Variants in TTLL5 observed in about 807,000 individuals in gnomAD.
TTLL5 encodes tubulin tyrosine ligase like 5.
A neutral mutation model predicts 168.4 loss-of-function variants in TTLL5; 132 were observed. The ratio of observed to expected loss-of-function variants is 0.78; its 90% CI spans 0.68 to 0.91. TTLL5 has a LOEUF of 0.91. Ranked by LOEUF, TTLL5 falls within the 40% of genes least tolerant of loss-of-function variation. The pLI is 0.00. For synonymous variants in TTLL5, 546 were observed against 558.6 expected (o/e 0.98, Z 0.32); for missense variants, 1,545 against 1,581.5 (o/e 0.98, Z 0.39).
intron 30 of TTLL5, among the ~76,000 whole-genome samples, chr14:75,894,728 GACAT>G: frequency 6.6e-6 from 1 of 152,122 alleles, no homozygotes; most frequent in East Asian, 1.9e-4. Context: ...ACATGAAAGA[GACAT>G]ACATAAAGTA....
intron 27 of TTLL5, among the ~76,000 whole-genome samples, chr14:75,813,072 A>G (rs969027936): frequency 2.0e-5 from 3 of 152,150 alleles, no homozygotes; most frequent in Non-Finnish European, 2.9e-5. Flanking sequence ...GCTGACACAT[A>G]ATAATTATTT....
intron 27 of TTLL5, chr14:75,818,631 G>T: frequency 5.2e-6 from 1 of 194,100 alleles, no homozygotes. Context: ...GGGACTACAG[G>T]TGCCTGCCAC....
rs771491969 is a variant in TTLL5 at position 75,948,485 on chromosome 14, TA to T, written c.3824-5928del. ...GGGTGACAAGAGTGAAACCCTATCT[TA>T]AAAAAAAAAATCATAATTTTAAAAT... On this transcript the variant is annotated intron_variant, in intron 31 of 31. Transcript: ENST00000298832. Among the ~76,000 whole-genome samples, 122 of 146,414 alleles carry T rather than the reference TA, an allele frequency of 8.3e-4. 1 individual carries two copies. Among genetic ancestry groups the T allele is most frequent in the Middle Eastern group, 3.5e-3 (1 of 284 alleles).
chr14:75,940,077 C>CTTTTTTTTTTTTT (rs5809741), intron 31 of TTLL5, among the ~76,000 whole-genome samples: 2 of 78,834 alleles, frequency 2.5e-5, no homozygotes, highest in Admixed American at 1.7e-4. Context: ...GAAATTAAAT[C>CTTTTTTTTTTTTT]TTTTTTTTTT....
intron 23 of TTLL5, among the ~76,000 whole-genome samples, chr14:75,778,399 C>T (rs1891847401): frequency 6.6e-6 from 1 of 152,148 alleles, no homozygotes; most frequent in Non-Finnish European, 1.5e-5. Context: ...TATAAAGCAG[C>T]TTGTATTTTG....
At chr14:75,686,992 G>GT (rs1885109740) in intron 5 of TTLL5, among the ~76,000 whole-genome samples, 1 of 152,096 alleles carries the variant, frequency 6.6e-6, no homozygotes, top group African/African-American at 2.4e-5. Flanking sequence ...CACAGGTTCG[G>GT]TTTTTATAAC....
chr14:75,779,497 T>G, intron 23 of TTLL5, 78 bp from the exon 24 acceptor site: 1 of 1,575,568 alleles, frequency 6.3e-7, no homozygotes, highest in South Asian at 1.2e-5. Flanking sequence ...CAGCTTGCTC[T>G]GTTTTCATAA....
intron 3 of TTLL5, among the ~76,000 whole-genome samples, chr14:75,670,575 A>G (rs1351701258): frequency 6.6e-6 from 1 of 152,154 alleles, no homozygotes; most frequent in African/African-American, 2.4e-5. Context: ...ATCCTCACTA[A>G]CATTTGATAT....
chr14:75,919,952 C>T, intron 31 of TTLL5, among the ~76,000 whole-genome samples: 1 of 152,070 alleles, frequency 6.6e-6, no homozygotes, highest in East Asian at 1.9e-4. Context: ...AAAATCCCAT[C>T]TCTACTAAAA....
intron 27 of TTLL5, among the ~76,000 whole-genome samples, chr14:75,805,864 A>G (rs76943179): frequency 0.049 from 7,433 of 152,102 alleles, 248 homozygotes; most frequent in Middle Eastern, 0.095. Context: ...GCAGTTGTCA[A>G]GATTCTACAG....
intron 3 of TTLL5, 70 bp from the exon 4 acceptor site, chr14:75,681,475 C>T: frequency 8.2e-7 from 1 of 1,219,212 alleles, no homozygotes; most frequent in Non-Finnish European, 1.2e-6. Context: ...ATTAAGCCAC[C>T]ATGTTACAGT....
chr14:75,669,893 C>T (rs904989847), intron 3 of TTLL5, among the ~76,000 whole-genome samples: 6 of 152,112 alleles, frequency 3.9e-5, no homozygotes, highest in African/African-American at 1.2e-4. Context: ...ACAGCCAATA[C>T]CCATTAAGCA....
chr14:75,818,319 C>G (rs889924333), intron 27 of TTLL5, among the ~76,000 whole-genome samples: 7 of 151,918 alleles, frequency 4.6e-5, no homozygotes, highest in Non-Finnish European at 8.8e-5. Context: ...TACTTATAGT[C>G]TGGATTTTTA....
chr14:75,769,331 G>A lies in TTLL5; in HGVS notation c.2016-2403G>A, dbSNP rs116403744. ...GCCAGGGTTCAAAACTCTAAGGATC[G>A]CGTCATTGTTGCATATCTTATATAC... On this transcript the variant is annotated intron_variant, in intron 20 of 31. Transcript: ENST00000298832. Among the ~76,000 whole-genome samples the A allele has an allele frequency of 6.6e-3, 1,007 of 152,244 alleles. 12 individuals carry two copies. Among genetic ancestry groups the A allele is most frequent in the African/African-American group, 0.023 (973 of 41,546 alleles).
intron 7 of TTLL5, among the ~76,000 whole-genome samples, chr14:75,705,882 A>T (rs1056720014): frequency 6.6e-6 from 1 of 151,652 alleles, no homozygotes; most frequent in Admixed American, 6.6e-5. Flanking sequence ...AGATATTTTA[A>T]TCTTGCTGTT....
intron 29 of TTLL5, among the ~76,000 whole-genome samples, chr14:75,864,866 C>T (rs1307622280): frequency 6.6e-6 from 1 of 152,060 alleles, no homozygotes; most frequent in Non-Finnish European, 1.5e-5. Context: ...CAACATTTCC[C>T]AAAGGTTTTT....
intron 28 of TTLL5, among the ~76,000 whole-genome samples, chr14:75,831,427 C>A (rs995787050): frequency 6.6e-6 from 1 of 152,100 alleles, no homozygotes; most frequent in Non-Finnish European, 1.5e-5. Flanking sequence ...AAGCAGATCC[C>A]AGCATTATCT....
chr14:75,742,236 G>T (rs922079993), intron 15 of TTLL5, among the ~76,000 whole-genome samples: 3 of 151,958 alleles, frequency 2.0e-5, no homozygotes, highest in Non-Finnish European at 2.9e-5. Context: ...TCATTTAAAT[G>T]AATGTTTGTT....
rs67242088 is a variant in TTLL5, at chr14:75,773,961, G to A, written c.2137-1523G>A. Among the ~76,000 whole-genome samples the A allele has an allele frequency of 8.1e-3, 348 of 43,058 alleles. 5 individuals carry two copies. Among genetic ancestry groups the A allele is most frequent in the African/African-American group, 0.016 (198 of 12,560 alleles). 28.2% of individuals were successfully genotyped at this position (43,058 alleles called of 152,430 possible). On this transcript the variant is annotated intron_variant, in intron 21 of 31. Coordinates refer to ENST00000298832, the MANE Select transcript of TTLL5 (RefSeq NM_015072.5). ...AGAGAGAGAGAGAGAGAGAGAAAGA[G>A]AGAGAGAGAGAGAGAGAGAGAGAGA...
Sources: gnomAD v4.1 joint callset for allele counts (sites outside exome capture counted in the v4.1 genomes callset) on GRCh38, gnomAD v4.1.1 for gene constraint, MANE v1.5 for transcripts, NCBI Gene and HGNC (gene_info 2026-07-23, HGNC 2026-07-21) for gene names.